Variants in RIMBP2 observed in about 807,000 individuals in gnomAD.
RIMBP2 encodes RIMS-binding protein 2.
In RIMBP2, 48 loss-of-function variants were observed where a neutral mutation model predicts 118.6. The observed-to-expected ratio is 0.40, with a 90% CI of 0.32 to 0.51. The LOEUF (loss-of-function observed/expected upper bound fraction) is 0.51, where lower values mean the gene tolerates loss of function less well. RIMBP2 is among the 20% of genes least tolerant of loss of function. The pLI, the probability that RIMBP2 is intolerant of heterozygous loss-of-function variation, is 0.41. For missense variants in RIMBP2, 1,551 were observed against 1,768.3 expected, an observed-to-expected ratio of 0.88 and a Z score of 2.20; for synonymous variants, 762 against 742.9, an observed-to-expected ratio of 1.03 and a Z score of -0.42.
chr12:130,456,169 A>C (rs1476644597), intron 7 of RIMBP2, among the ~76,000 whole-genome samples: 3 of 151,884 alleles, frequency 2.0e-5, no homozygotes. Flanking sequence ...CTGCAGCCAG[A>C]CTCCTGGGTT....
intron 6 of RIMBP2, among the ~76,000 whole-genome samples, chr12:130,462,559 G>C (rs1004039258): frequency 1.3e-5 from 2 of 152,230 alleles, no homozygotes; most frequent in South Asian, 4.1e-4. Flanking sequence ...ACCTTTGAAC[G>C]AGCAGGGTGT....
chr12:130,574,206 T>C (rs2057913733), intron 2 of RIMBP2, among the ~76,000 whole-genome samples: 1 of 152,192 alleles, frequency 6.6e-6, no homozygotes, highest in African/African-American at 2.4e-5. Flanking sequence ...ATTTTGTTTC[T>C]GGCTGGAGCT....
chr12:130,441,737 T>C, intron 11 of RIMBP2, 111 bp downstream of exon 11: 1 of 930,568 alleles, frequency 1.1e-6, no homozygotes, highest in Middle Eastern at 3.3e-4. Flanking sequence ...CAGGGTCATG[T>C]TGTCAGGATG....
intron 2 of RIMBP2, among the ~76,000 whole-genome samples, chr12:130,529,196 G>A (rs896988692): frequency 5.9e-5 from 9 of 152,040 alleles, no homozygotes; most frequent in Admixed American, 2.6e-4. Flanking sequence ...GCCACAACAG[G>A]GATGAACCTC....
intron 1 of RIMBP2, among the ~76,000 whole-genome samples, chr12:130,643,458 G>A (rs1472313117): frequency 1.3e-5 from 2 of 152,168 alleles, no homozygotes; most frequent in Non-Finnish European, 2.9e-5. Context: ...GAAATCACTG[G>A]GCCATGGACA....
In RIMBP2 at chr12:130,621,259, G is replaced by T. The variant is rs577638801; in HGVS notation, c.-217+7063C>A. On this transcript the variant is annotated intron_variant, in intron 2 of 22. Transcript: ENST00000690449. This position sits in a 1 kb window ranked among gnomAD's most constrained non-coding sequence, Gnocchi z 6.6. ...GGATCCTCCCCATGAGAGAAAAGCA[G>T]GGGGCACGTGCCATGGTCGTACACA... Among the ~76,000 whole-genome samples, 7 of 152,270 alleles carry T rather than the reference G, an allele frequency of 4.6e-5. No individual in the cohort carries two copies. In the South Asian group the frequency reaches 6.2e-4, roughly 14 times the overall value.
At chr12:130,567,190 A>G (rs1296839831) in intron 2 of RIMBP2, among the ~76,000 whole-genome samples, 2 of 152,358 alleles carry the variant, frequency 1.3e-5, no homozygotes, top group Non-Finnish European at 1.5e-5. Context: ...TGAAATCTTT[A>G]TAAGTATTCA....
intron 3 of RIMBP2, among the ~76,000 whole-genome samples, chr12:130,515,829 C>G (rs2051395374): frequency 1.3e-5 from 2 of 152,082 alleles, no homozygotes; most frequent in Admixed American, 6.6e-5. Context: ...TCCCAAGTAG[C>G]TGGGATTCCA....
chr12:130,685,141 G>A (rs1258557778), intron 1 of RIMBP2, among the ~76,000 whole-genome samples: 9 of 152,052 alleles, frequency 5.9e-5, no homozygotes, highest in East Asian at 1.9e-4. Flanking sequence ...CCCCCACACC[G>A]GGGACAATGT....
chr12:130,492,896 G>T (rs79033518), intron 4 of RIMBP2, among the ~76,000 whole-genome samples: 1 of 152,214 alleles, frequency 6.6e-6, no homozygotes. Context: ...TTGGGAGGCC[G>T]AGGCGGGTGG....
intron 1 of RIMBP2, among the ~76,000 whole-genome samples, chr12:130,701,933 C>A (rs2065875083): frequency 6.6e-6 from 1 of 152,062 alleles, no homozygotes; most frequent in African/African-American, 2.4e-5. Flanking sequence ...CTAGAAGGAA[C>A]AGATGCTCTA....
chr12:130,677,496 C>T (rs559178354), intron 1 of RIMBP2, among the ~76,000 whole-genome samples: 155 of 151,984 alleles, frequency 1.0e-3, no homozygotes, highest in Non-Finnish European at 1.9e-3. Flanking sequence ...AGGGTGGTGG[C>T]GGGCACTTGT....
At chr12:130,455,411 C>T (rs1041065832) in intron 7 of RIMBP2, among the ~76,000 whole-genome samples, 2 of 152,232 alleles carry the variant, frequency 1.3e-5, no homozygotes, top group African/African-American at 2.4e-5. Flanking sequence ...CTGTCTGTCT[C>T]TCAGCGTTGC....
At chr12:130,611,525 G>T (rs985071063) in intron 2 of RIMBP2, among the ~76,000 whole-genome samples, 1 of 152,218 alleles carries the variant, frequency 6.6e-6, no homozygotes, top group African/African-American at 2.4e-5. Flanking sequence ...TTCGCTGCAG[G>T]TGTAAGTGGC....
chr12:130,680,742 C>T (rs1394272673), intron 1 of RIMBP2, among the ~76,000 whole-genome samples: 2 of 152,182 alleles, frequency 1.3e-5, no homozygotes, highest in East Asian at 3.9e-4. Context: ...GCTGAACGTC[C>T]TACAGTGCAT....
chr12:130,517,726 G>C (rs2051627585), intron 3 of RIMBP2, 102 bp downstream of exon 3: 1 of 304,254 alleles, frequency 3.3e-6, no homozygotes, highest in Non-Finnish European at 4.8e-6. Context: ...CCTTCACACT[G>C]ATGTTCAGTG....
rs1273014714 is a variant in RIMBP2 at position 130,447,632 on chromosome 12, G to A, written c.582-2363C>T. Among the ~76,000 whole-genome samples, 1 of 152,182 alleles carries A rather than the reference G, an allele frequency of 6.6e-6. No homozygotes were observed. The highest frequency in any genetic ancestry group is 1.9e-4 in the East Asian group (1 of 5,172). ...CGTGGCATCTGTGAGCACAGCAGTGGCCCTGGGCGGCACACTGCAAGTGGG... is the reference window on the plus strand; with the variant it reads ...CGTGGCATCTGTGAGCACAGCAGTGACCCTGGGCGGCACACTGCAAGTGGG... On this transcript the variant is annotated intron_variant, in intron 9 of 22. Coordinates refer to ENST00000690449, the MANE Select transcript of RIMBP2 (RefSeq NM_001393629.1). This position sits in a 1 kb window ranked among gnomAD's most constrained non-coding sequence, Gnocchi z 4.4.
chr12:130,657,226 T>C (rs150946285), intron 1 of RIMBP2, among the ~76,000 whole-genome samples: 1 of 152,314 alleles, frequency 6.6e-6, no homozygotes, highest in Non-Finnish European at 1.5e-5. Context: ...ACACTAGTCA[T>C]ATGGGATGAG....
chr12:130,439,123 A>G (rs908627934), intron 11 of RIMBP2, among the ~76,000 whole-genome samples: 2 of 151,912 alleles, frequency 1.3e-5, no homozygotes, highest in African/African-American at 4.8e-5. Flanking sequence ...CTGAGAATCC[A>G]TTTCTGCGTG....
Sources: allele counts gnomAD v4.1 joint callset (sites outside exome capture counted in the v4.1 genomes callset), GRCh38; gene constraint gnomAD v4.1.1; non-coding constraint Gnocchi (gnomAD v3.1); transcripts MANE v1.5; gene names NCBI Gene and HGNC (gene_info 2026-07-23, HGNC 2026-07-21).